The following SPATA13 variants were observed in gnomAD, a reference collection of about 807,000 sequenced individuals.
The protein encoded by SPATA13 is spermatogenesis associated 13.
A neutral mutation model predicts 104.0 loss-of-function variants in SPATA13; 50 were observed. That is an observed-to-expected ratio of 0.48 (90% confidence interval 0.38 to 0.61). The LOEUF (loss-of-function observed/expected upper bound fraction) is 0.61, where lower values mean the gene tolerates loss of function less well. Ranked by LOEUF, SPATA13 falls within the 20% of genes least tolerant of loss-of-function variation. SPATA13 has a pLI of 0.00. For synonymous variants in SPATA13, 606 were observed against 667.5 expected (o/e 0.91, Z 1.42); for missense variants, 1,524 against 1,690.6 (o/e 0.90, Z 1.73).
At chr13:24,247,261 G>A (rs1001196283) in intron 2 of SPATA13, among the ~76,000 whole-genome samples, 2 of 152,170 alleles carry the variant, frequency 1.3e-5, no homozygotes, top group African/African-American at 4.8e-5. Context: ...ACCTGCACGG[G>A]ATTGTCTTTT....
chr13:24,286,200 C>T lies in SPATA13; in HGVS notation c.2302-14C>T, dbSNP rs1390580650. ...CGTGCTCTATGCTGAGCGCACCCCA[C>T]TGTCTCCTTTCAGCTGATCAGTGAT... is the stretch of plus-strand genomic sequence containing the variant. On this transcript the variant is annotated splice_polypyrimidine_tract_variant and intron_variant, in intron 5 of 12. Transcript: ENST00000382108. This position sits in a 1 kb window ranked among gnomAD's most constrained non-coding sequence, Gnocchi z 4.9. 1.2e-5 allele frequency: 19 copies of T among 1,602,154 alleles called. No individual in the cohort carries two copies. The highest frequency in any genetic ancestry group is 1.6e-5 in the Non-Finnish European group (19 of 1,172,940).
chr13:24,079,222 T>C (rs1359975665), intron 3 of SPATA13, among the ~76,000 whole-genome samples: 2 of 151,952 alleles, frequency 1.3e-5, no homozygotes, highest in Non-Finnish European at 2.9e-5. Context: ...AGGAGAGACT[T>C]TGGGTGTGAA....
chr13:24,290,764 G>A lies in SPATA13; in HGVS notation c.2960G>A (p.Arg987His). ...TACAGACATTTCTTTGAAGCCTGCC[G>A]CCTGCTGCAGCAGATGATTGACATC... ...GKYRHFFEAC[R>H]LLQQMIDIAI... is the part of the protein sequence containing the mutation. Residue 987 changes from arginine (R) to histidine (H), a missense_variant, in exon 9 of 13, where the codon CGC becomes CAC. Around this residue, in one of 2 missense-constraint regions of SPATA13, gnomAD observed 435 missense variants for 554.8 expected, o/e 0.78. Transcript: ENST00000382108. The A allele has an allele frequency of 1.2e-6, 2 of 1,614,174 alleles. No individual in the cohort carries two copies. The highest frequency in any genetic ancestry group is 1.7e-6 in the Non-Finnish European group (2 of 1,180,030).
At chr13:24,048,460 G>C (rs1001389970) in intron 3 of SPATA13, among the ~76,000 whole-genome samples, 36 of 9,212 alleles carry the variant, frequency 3.9e-3, no homozygotes, top group Admixed American at 5.0e-3. Flanking sequence ...AGTAGATCTA[G>C]TAAACTAATC....
At chr13:24,185,146 A>G (rs1027943603) in intron 1 of SPATA13, among the ~76,000 whole-genome samples, 3 of 152,186 alleles carry the variant, frequency 2.0e-5, no homozygotes, top group Non-Finnish European at 4.4e-5. Flanking sequence ...TTTCCTAATC[A>G]TAAGCCCTGA....
At chr13:23,987,892 C>T (rs74648142) in intron 2 of SPATA13, among the ~76,000 whole-genome samples, 14,724 of 151,958 alleles carry the variant, frequency 0.097, 1,115 homozygotes, top group East Asian at 0.37. Context: ...TTTCACATAA[C>T]GCAACGTTCT....
chr13:24,161,024 GC>G lies in SPATA13; in HGVS notation c.-112+94del, dbSNP rs1462348923. 3 of 777,006 alleles carry G rather than the reference GC, an allele frequency of 3.9e-6. No individual in the cohort carries two copies. The highest frequency in any genetic ancestry group is 4.7e-6 in the Non-Finnish European group (3 of 639,058). The allele number at this position is 777,006 out of a possible 1,614,324, so 48.1% of individuals were successfully genotyped here. A position where few individuals can be genotyped will look rare whatever the true frequency, so the allele number is the denominator to read the frequency against. ...GGGAGGATTTGAGTCCCAGTGGACT[GC>G]CTCGGGGCTTCGGGATGTCCAGCTC... On this transcript the variant is annotated intron_variant, in intron 1 of 12. Coordinates refer to ENST00000382108, the MANE Select transcript of SPATA13 (RefSeq NM_001166271.3). This position sits in a 1 kb window ranked among gnomAD's most constrained non-coding sequence, Gnocchi z 4.5.
chr13:23,982,354 TA>T (rs1441101251), intron 1 of SPATA13, among the ~76,000 whole-genome samples: 5 of 152,238 alleles, frequency 3.3e-5, no homozygotes, highest in African/African-American at 1.2e-4. Flanking sequence ...GTTAAAATTT[TA>T]TTTTTTCAAA....
rs1310397943 is a variant in SPATA13, at chr13:24,224,472, C to T, written c.1543C>T (p.Pro515Ser). The change falls in exon 2 of 13, where the codon CCT becomes TCT. Residue 515 changes from proline to serine, a missense_variant. Physicochemically the swap from Pro to Ser is moderately conservative, Grantham distance 74. Around this residue, in one of 2 missense-constraint regions of SPATA13, gnomAD observed 1,089 missense variants for 1,135.9 expected, o/e 0.96. Coordinates refer to ENST00000382108, the MANE Select transcript of SPATA13 (RefSeq NM_001166271.3). ...AEEPAQREPGPVSLQDPLEAT... is the reference protein window; with the variant it reads ...AEEPAQREPGSVSLQDPLEAT... ...AGAGCCTGCTCAGAGAGAGCCAGGGCCTGTGTCCTTGCAGGATCCCCTGGA... is the reference window on the plus strand; with the variant it reads ...AGAGCCTGCTCAGAGAGAGCCAGGGTCTGTGTCCTTGCAGGATCCCCTGGA... 1 of 1,551,328 alleles carries T rather than the reference C, an allele frequency of 6.4e-7. No individual in the cohort carries two copies. Among genetic ancestry groups the T allele is most frequent in the Admixed American group, 2.0e-5 (1 of 51,010 alleles).
intron 3 of SPATA13, among the ~76,000 whole-genome samples, chr13:24,126,579 CAG>C (rs1395980113): frequency 6.6e-6 from 1 of 152,142 alleles, no homozygotes; most frequent in Non-Finnish European, 1.5e-5. Context: ...GGGCGCAGGA[CAG>C]AGACAGGTTC....
chr13:24,189,298 C>A (rs1267332901), intron 1 of SPATA13, among the ~76,000 whole-genome samples: 1 of 151,598 alleles, frequency 6.6e-6, no homozygotes, highest in Non-Finnish European at 1.5e-5. Context: ...AGTGAAACCC[C>A]GTCTCTACTA....
chr13:24,015,747 C>G lies in SPATA13; in HGVS notation c.-146-1920C>G, dbSNP rs559892965. 1.3e-3 allele frequency among the ~76,000 whole-genome samples: 23 copies of G among 17,108 alleles called. No individual in the cohort carries two copies. In the South Asian group the frequency reaches 0.045, roughly 33 times the overall value. The allele number at this position is 17,108 out of a possible 152,430, so 11.2% of individuals were successfully genotyped here. On this transcript the variant is annotated intron_variant, in intron 2 of 14. Coordinates refer to the SPATA13 transcript ENST00000424834. Reference sequence around the variant, plus strand: ...GGGGCGACCCCTGGCAGGCCCCCCCCCAATTCCTAGGTCCACCGTTTCTGG... The same window carrying G: ...GGGGCGACCCCTGGCAGGCCCCCCCGCAATTCCTAGGTCCACCGTTTCTGG...
At chr13:24,287,278 C>T (rs1876024672) in intron 7 of SPATA13, among the ~76,000 whole-genome samples, 1 of 152,172 alleles carries the variant, frequency 6.6e-6, no homozygotes, top group South Asian at 2.1e-4. Context: ...CCTCCCTCCT[C>T]AGCCCCCCGA....
intron 2 of SPATA13, among the ~76,000 whole-genome samples, chr13:24,230,928 C>G (rs746849705): frequency 3.3e-5 from 5 of 152,178 alleles, no homozygotes; most frequent in Non-Finnish European, 5.9e-5. Flanking sequence ...TGGGGTTGAT[C>G]AGACCAGCTC....
At chr13:24,159,110 A>AAC (rs35368874), upstream of SPATA13, among the ~76,000 whole-genome samples, 1,570 of 151,656 alleles carry the variant, frequency 0.01, 14 homozygotes, top group Middle Eastern at 0.02. Flanking sequence ...TAATAAAAAA[A>AAC]CCCTCAATTT....
intron 2 of SPATA13, among the ~76,000 whole-genome samples, chr13:24,236,613 A>T (rs1019816960): frequency 3.5e-5 from 5 of 144,862 alleles, no homozygotes; most frequent in African/African-American, 1.3e-4. Flanking sequence ...AAAAAAAAAA[A>T]AGATATGCAA....
chr13:24,251,403 T>A (rs1305865261), intron 3 of SPATA13: 2 of 903,970 alleles, frequency 2.2e-6, no homozygotes, highest in African/African-American at 3.6e-5. Flanking sequence ...GTGTGACAAC[T>A]CCACTGCTTC....
intron 10 of SPATA13, 142 bp from the exon 11 acceptor site, chr13:24,297,221 G>T (rs951128297): frequency 2.1e-6 from 2 of 960,376 alleles, no homozygotes; most frequent in Admixed American, 5.7e-5. Context: ...AAAATTTTAT[G>T]TGGAGATGGG....
intron 3 of SPATA13, among the ~76,000 whole-genome samples, chr13:24,089,156 T>C (rs928887342): frequency 2.6e-5 from 4 of 152,202 alleles, no homozygotes; most frequent in Non-Finnish European, 2.9e-5. Context: ...GAAGCACACG[T>C]AGGAAGAGTT....
Sources: gnomAD v4.1 joint callset for allele counts (sites outside exome capture counted in the v4.1 genomes callset) on GRCh38, gnomAD v4.1.1 for gene constraint, gnomAD v4.1.1 regional missense constraint, Gnocchi (gnomAD v3.1) non-coding constraint, MANE v1.5 for transcripts, NCBI Gene and HGNC (gene_info 2026-07-23, HGNC 2026-07-21) for gene names.